FRMD4A: variants seen among roughly 807,000 people sequenced by gnomAD.
FRMD4A encodes FERM domain-containing protein 4A.
A neutral mutation model predicts 129.1 loss-of-function variants in FRMD4A; 29 were observed. That is an observed-to-expected ratio of 0.22 (90% CI 0.17 to 0.31). The LOEUF is 0.31. FRMD4A is among the 10% of genes least tolerant of loss of function. The pLI, the probability that FRMD4A is intolerant of heterozygous loss-of-function variation, is 1.00. For missense variants in FRMD4A, 1,272 were observed against 1,375.8 expected, an observed-to-expected ratio of 0.92 and a Z score of 1.19; for synonymous variants, 634 against 571.6, an observed-to-expected ratio of 1.11 and a Z score of -1.56.
intron 2 of FRMD4A, among the ~76,000 whole-genome samples, chr10:14,245,456 AAG>A (rs1419870639): frequency 2.6e-5 from 4 of 152,206 alleles, no homozygotes; most frequent in Admixed American, 2.6e-4. Flanking sequence ...GCAGCATTCA[AAG>A]AGAGGAAAAT....
At chr10:14,134,248 AATGGATGG>A (rs60021621) in intron 2 of FRMD4A, among the ~76,000 whole-genome samples, 11,878 of 149,740 alleles carry the variant, frequency 0.079, 1,568 homozygotes, top group African/African-American at 0.28. Flanking sequence ...AATTGGAAAG[AATGGATGG>A]ATGGATGGAT....
chr10:14,223,003 G>A (rs1268213573), intron 2 of FRMD4A, among the ~76,000 whole-genome samples: 2 of 152,176 alleles, frequency 1.3e-5, no homozygotes, highest in Non-Finnish European at 2.9e-5. Flanking sequence ...CATGAAAATT[G>A]CTTGAACCTG....
intron 3 of FRMD4A, among the ~76,000 whole-genome samples, chr10:13,852,778 A>G (rs1427139636): frequency 6.6e-6 from 1 of 151,874 alleles, no homozygotes; most frequent in Non-Finnish European, 1.5e-5. Flanking sequence ...ATACATCTCC[A>G]TTTGCACTGG....
intron 2 of FRMD4A, among the ~76,000 whole-genome samples, chr10:14,185,613 AG>A (rs1554779777): frequency 1.4e-4 from 20 of 139,534 alleles, no homozygotes; most frequent in Admixed American, 9.0e-4. Flanking sequence ...AGAGACAGAA[AG>A]GGGATATATA....
intron 2 of FRMD4A, among the ~76,000 whole-genome samples, chr10:14,212,820 T>C (rs1364214507): frequency 1.3e-5 from 2 of 152,194 alleles, no homozygotes; most frequent in Non-Finnish European, 2.9e-5. Flanking sequence ...AGGTATATGT[T>C]TGCTGTATCT....
intron 9 of FRMD4A, 83 bp downstream of exon 9, chr10:13,747,653 G>A (rs1318161529): frequency 2.7e-6 from 2 of 743,932 alleles, no homozygotes; most frequent in East Asian, 5.0e-5. Context: ...GGGAGCTGGT[G>A]GAGGGAGGGT....
At chr10:14,168,120 G>C (rs1841287735) in intron 2 of FRMD4A, among the ~76,000 whole-genome samples, 1 of 152,170 alleles carries the variant, frequency 6.6e-6, no homozygotes. Flanking sequence ...CAGAATGGGT[G>C]GGTGAGGGCT....
intron 12 of FRMD4A, among the ~76,000 whole-genome samples, chr10:13,720,285 G>T (rs935693025): frequency 3.3e-5 from 5 of 152,196 alleles, no homozygotes; most frequent in African/African-American, 1.2e-4. Flanking sequence ...CTGACTTCAG[G>T]CGATCCGCCC....
intron 5 of FRMD4A, among the ~76,000 whole-genome samples, chr10:13,792,940 AG>A (rs1176530554): frequency 3.3e-5 from 5 of 152,288 alleles, no homozygotes; most frequent in Non-Finnish European, 7.4e-5. Context: ...AGGGGTTCTG[AG>A]TTCCAATTCA....
chr10:13,863,040 C>T (rs943187577), intron 2 of FRMD4A, among the ~76,000 whole-genome samples: 1 of 151,620 alleles, frequency 6.6e-6, no homozygotes, highest in African/African-American at 2.4e-5. Flanking sequence ...CAAGGCTTCT[C>T]ATAGATGTCA....
intron 2 of FRMD4A, among the ~76,000 whole-genome samples, chr10:13,905,403 G>T (rs1740768248): frequency 6.6e-6 from 1 of 152,098 alleles, no homozygotes; most frequent in African/African-American, 2.4e-5. Context: ...TGGGAAGGTA[G>T]GCACAGATTT....
intron 14 of FRMD4A, among the ~76,000 whole-genome samples, chr10:13,697,439 C>T (rs911024064): frequency 5.3e-5 from 8 of 152,132 alleles, no homozygotes; most frequent in Non-Finnish European, 7.4e-5. Flanking sequence ...TGAGCCACTG[C>T]GCCCGGTCCG....
intron 12 of FRMD4A, chr10:13,710,363 A>T (rs2087891579): frequency 6.6e-6 from 1 of 152,290 alleles, no homozygotes; most frequent in African/African-American, 2.4e-5. Context: ...CTTTGCTTTA[A>T]GTGCTCCCTG....
chr10:13,874,131 G>A (rs886313881), intron 2 of FRMD4A, among the ~76,000 whole-genome samples: 4 of 150,836 alleles, frequency 2.7e-5, no homozygotes, highest in Non-Finnish European at 4.4e-5. Flanking sequence ...CTGTAGTCTC[G>A]GCTGCTTGGG....
intron 2 of FRMD4A, among the ~76,000 whole-genome samples, chr10:14,251,066 C>T (rs934369048): frequency 1.3e-5 from 2 of 150,952 alleles, no homozygotes; most frequent in African/African-American, 4.8e-5. Flanking sequence ...CCAGCCAGTA[C>T]CTAAACTGTG....
intron 3 of FRMD4A, among the ~76,000 whole-genome samples, chr10:13,855,447 A>G (rs1017568636): frequency 6.6e-6 from 1 of 152,038 alleles, no homozygotes; most frequent in African/African-American, 2.4e-5. Flanking sequence ...TCAGTCAGCC[A>G]CCCTCATGCA....
chr10:14,027,622 A>G (rs1833043601), intron 2 of FRMD4A, among the ~76,000 whole-genome samples: 1 of 152,168 alleles, frequency 6.6e-6, no homozygotes, highest in Non-Finnish European at 1.5e-5. Context: ...GTCTCAAACA[A>G]AAACAAAAAC....
chr10:14,330,320 AG>A, intron 1 of FRMD4A, 137 bp from the exon 2 acceptor site: 1 of 537,900 alleles, frequency 1.9e-6, no homozygotes, highest in Non-Finnish European at 3.3e-6. Flanking sequence ...AAAAAAAAAA[AG>A]AAGAAGGAAA....
intron 14 of FRMD4A, among the ~76,000 whole-genome samples, chr10:13,697,819 T>A (rs2086373731): frequency 6.6e-6 from 1 of 152,176 alleles, no homozygotes; most frequent in Admixed American, 6.5e-5. Context: ...GGGAAAAGTG[T>A]CTAATGTCGA....
Sources: allele counts gnomAD v4.1 joint callset (sites outside exome capture counted in the v4.1 genomes callset), GRCh38; gene constraint gnomAD v4.1.1; transcripts MANE v1.5; gene names NCBI Gene and HGNC (gene_info 2026-07-23, HGNC 2026-07-21).